CAV1: variants seen among roughly 807,000 people sequenced by gnomAD.
CAV1 encodes the protein caveolin-1.
CAV1 carries 10 observed loss-of-function variants against 16.5 expected under a neutral mutation model. The observed-to-expected ratio is 0.61, with a 90% CI of 0.37 to 1.03. The LOEUF (loss-of-function observed/expected upper bound fraction) is 1.03, where lower values mean the gene tolerates loss of function less well. Ranked by LOEUF, CAV1 falls within the 50% of genes least tolerant of loss-of-function variation. CAV1 has a pLI of 0.01. For missense variants in CAV1, 212 were observed against 232.8 expected (o/e 0.91, Z 0.58); for synonymous variants, 76 against 85.1 (o/e 0.89, Z 0.59).
chr7:116,535,601 A>G (rs1250630994), intron 2 of CAV1, among the ~76,000 whole-genome samples: 1 of 152,178 alleles, frequency 6.6e-6, no homozygotes, highest in Non-Finnish European at 1.5e-5. Context: ...AGTGTTTTTA[A>G]TTTTGCCTTA....
At chr7:116,555,592 GA>G (rs1427689844) in intron 2 of CAV1, among the ~76,000 whole-genome samples, 3 of 82,606 alleles carry the variant, frequency 3.6e-5, no homozygotes, top group African/African-American at 4.8e-5. Context: ...AAGAAAGAAA[GA>G]AAGAAAGAAA....
intron 2 of CAV1, among the ~76,000 whole-genome samples, chr7:116,558,116 C>T (rs1794329813): frequency 6.6e-6 from 1 of 152,158 alleles, no homozygotes; most frequent in Non-Finnish European, 1.5e-5. Flanking sequence ...TGATGCCTCC[C>T]AGCACACCAT....
intron 2 of CAV1, among the ~76,000 whole-genome samples, chr7:116,553,151 C>T (rs1043701719): frequency 2.0e-5 from 3 of 152,228 alleles, no homozygotes; most frequent in Middle Eastern, 3.4e-3. Context: ...AATAAAATGT[C>T]CAGATTTTGA....
chr7:116,555,542 G>GAAAGAA (rs869307797), intron 2 of CAV1, among the ~76,000 whole-genome samples: 38 of 12,138 alleles, frequency 3.1e-3, no homozygotes, highest in South Asian at 4.9e-3. Context: ...GAGAGAGAGA[G>GAAAGAA]AGAAAGAAAG....
At position 116,559,790 on chromosome 7, in the gene CAV1, TTCA is replaced by T. The variant is rs2116121675; in HGVS notation, c.*505_*507del. On this transcript the variant is annotated 3_prime_UTR_variant, in exon 3 of 3. Transcript: ENST00000341049. ...GAGTTAGTGGATTACTGCCATTCACTTCATAATCCAGTAGGATCCAGTGATCCT... is the reference window on the plus strand; with the variant it reads ...GAGTTAGTGGATTACTGCCATTCACTTAATCCAGTAGGATCCAGTGATCCT... 5 of 414,838 alleles carry T rather than the reference TTCA, an allele frequency of 1.2e-5. No homozygotes were observed. In the South Asian group the frequency reaches 5.2e-4, roughly 43 times the overall value. 25.7% of individuals were successfully genotyped at this position (414,838 alleles called of 1,614,324 possible).
intron 2 of CAV1, among the ~76,000 whole-genome samples, chr7:116,539,661 C>CT (rs947612616): frequency 4.6e-5 from 7 of 151,410 alleles, no homozygotes; most frequent in African/African-American, 1.7e-4. Context: ...GTTATTTAGA[C>CT]TTTTTTTTTA....
rs111626361 is a variant in CAV1, at chr7:116,540,609, G to T, written c.195+13920G>T. 4.3e-3 allele frequency among the ~76,000 whole-genome samples: 654 copies of T among 152,228 alleles called. 8 individuals are homozygous for T. Among genetic ancestry groups the T allele is most frequent in the African/African-American group, 0.014 (595 of 41,534 alleles). On this transcript the variant is annotated intron_variant, in intron 2 of 2. Transcript: ENST00000341049. ...ACTTAATATTTTATCAGAAACTTGC[G>T]TGAACAAGTTAAGAGGACTCTCAAC...
In CAV1 at chr7:116,549,539, T is replaced by C. The variant is rs180750410; in HGVS notation, c.196-9407T>C. 7.1e-3 allele frequency among the ~76,000 whole-genome samples: 1,085 copies of C among 152,242 alleles called. 13 individuals are homozygous for C. The highest frequency in any genetic ancestry group is 0.024 in the African/African-American group (1,003 of 41,560). On this transcript the variant is annotated intron_variant, in intron 2 of 2. Coordinates refer to ENST00000341049, the MANE Select transcript of CAV1 (RefSeq NM_001753.5). ...AATAAGAAAATCATTTAAAATAAAA[T>C]GATTTTTATTTATTTATTGTTTTTA...
rs762624343 is a variant in CAV1 at position 116,555,604 on chromosome 7, G to GAAAGAA, written c.196-3341_196-3340insAAGAAA. 2.9e-4 allele frequency among the ~76,000 whole-genome samples: 21 copies of GAAAGAA among 73,460 alleles called. 1 individual carries two copies. Among genetic ancestry groups the GAAAGAA allele is most frequent in the Non-Finnish European group, 3.7e-4 (14 of 38,190 alleles). 48.2% of individuals were successfully genotyped at this position (73,460 alleles called of 152,430 possible). On this transcript the variant is annotated intron_variant, in intron 2 of 2. Transcript: ENST00000341049. Reference sequence around the variant, plus strand: ...AGAAAGAAAGAAAGAAAGAAAGAAAGAGAAAGAAAGAAAGAAGGGAGGGAG... The same window carrying GAAAGAA: ...AGAAAGAAAGAAAGAAAGAAAGAAAGAAAGAAAGAAAGAAAGAAAGAAGGGAGGGAG...
chr7:116,526,927 A>C (rs1009762880), intron 2 of CAV1: 5 of 571,526 alleles, frequency 8.7e-6, no homozygotes, highest in Admixed American at 5.8e-5. Context: ...AATTCAGCTA[A>C]AGTGAGTTTT....
At position 116,559,362 on chromosome 7, in the gene CAV1, G is replaced by A; in HGVS notation, c.*75G>A. 9.7e-7 allele frequency: 1 copy of A among 1,026,180 alleles called. No homozygotes were observed. Among genetic ancestry groups the A allele is most frequent in the Non-Finnish European group, 1.5e-6 (1 of 664,646 alleles). The allele number at this position is 1,026,180 out of a possible 1,614,324, so 63.6% of individuals were successfully genotyped here. On this transcript the variant is annotated 3_prime_UTR_variant, in exon 3 of 3. Coordinates refer to ENST00000341049, the MANE Select transcript of CAV1 (RefSeq NM_001753.5). ...TCCTGGTGCCAATTTCAAGTTCCAA[G>A]TTGCTAATACAGCAACAATTTATGA...
intron 2 of CAV1, among the ~76,000 whole-genome samples, chr7:116,545,989 C>T (rs924477646): frequency 2.0e-5 from 3 of 152,146 alleles, no homozygotes; most frequent in Non-Finnish European, 4.4e-5. Context: ...CTATCTGGGA[C>T]GGAACTTTCA....
At chr7:116,534,395 A>ATATAT (rs1442237865) in intron 2 of CAV1, among the ~76,000 whole-genome samples, 2 of 7,844 alleles carry the variant, frequency 2.5e-4, no homozygotes, top group Non-Finnish European at 2.6e-4. Context: ...ATATATATAT[A>ATATAT]TTTTTTTTTT....
intron 2 of CAV1, among the ~76,000 whole-genome samples, chr7:116,530,146 AATAC>A (rs1262111178): frequency 2.6e-5 from 4 of 151,744 alleles, no homozygotes; most frequent in Admixed American, 1.3e-4. Flanking sequence ...GTTTTTAAAA[AATAC>A]ATACATACAA....
chr7:116,534,651 C>A (rs916717194), intron 2 of CAV1, among the ~76,000 whole-genome samples: 2 of 151,462 alleles, frequency 1.3e-5, no homozygotes, highest in Non-Finnish European at 2.9e-5. Context: ...CCGCTCGCCT[C>A]GGCCTCTCAA....
rs200052661 is a variant in CAV1 at position 116,559,052 on chromosome 7, G to A, written c.302G>A (p.Arg101His). ...ACTGTGACGAAATACTGGTTTTACC[G>A]CTTGCTGTCTGCCCTCTTTGGCATC... ...TFTVTKYWFYRLLSALFGIPM... is the reference protein window; with the variant it reads ...TFTVTKYWFYHLLSALFGIPM... Residue 101 changes from arginine (R) to histidine (H), a missense_variant, in exon 3 of 3, where the codon CGC (arginine) becomes CAC (histidine). By Grantham distance (29) the Arg-to-His change is conservative. Transcript: ENST00000341049. 1.4e-5 allele frequency: 22 copies of A among 1,613,702 alleles called. No individual in the cohort carries two copies. The highest frequency in any genetic ancestry group is 5.5e-5 in the South Asian group (5 of 91,070).
intron 1 of CAV1, chr7:116,526,133 T>C: frequency 3.2e-6 from 1 of 307,882 alleles, no homozygotes; most frequent in South Asian, 1.2e-4. Context: ...GCTTAGGGAG[T>C]CCGGGAGAAG....
chr7:116,538,047 G>A (rs567519055), intron 2 of CAV1, among the ~76,000 whole-genome samples: 32 of 152,162 alleles, frequency 2.1e-4, no homozygotes, highest in African/African-American at 4.6e-4. Flanking sequence ...CTGGATATAC[G>A]GGGAGGGGTA....
intron 1 of CAV1, chr7:116,525,380 C>A: frequency 5.3e-6 from 8 of 1,522,914 alleles, no homozygotes; most frequent in Non-Finnish European, 7.1e-6. Flanking sequence ...GCCCAGGACG[C>A]GTTTTCTGGA....
Sources: gnomAD v4.1 joint callset for allele counts (sites outside exome capture counted in the v4.1 genomes callset) on GRCh38, gnomAD v4.1.1 for gene constraint, MANE v1.5 for transcripts, NCBI Gene and HGNC (gene_info 2026-07-23, HGNC 2026-07-21) for gene names.